The following MRPS25 variants were observed in gnomAD, a reference collection of about 807,000 sequenced individuals.
MRPS25 encodes small ribosomal subunit protein mS25.
Under a neutral mutation model 17.3 loss-of-function variants are expected in MRPS25, and 15 were observed. The ratio of observed to expected loss-of-function variants is 0.87; its 90% CI spans 0.58 to 1.34. The LOEUF (loss-of-function observed/expected upper bound fraction) is 1.34, where lower values mean the gene tolerates loss of function less well. Ranked by LOEUF, MRPS25 falls within the 40% of genes most tolerant of loss-of-function variation. The pLI is 0.00. For synonymous variants in MRPS25, 94 were observed against 83.3 expected (o/e 1.13, Z -0.70); for missense variants, 225 against 218.6 (o/e 1.03, Z -0.19).
intron 3 of MRPS25, among the ~76,000 whole-genome samples, chr3:15,052,875 T>A (rs532474974): frequency 6.6e-6 from 1 of 152,216 alleles, no homozygotes; most frequent in South Asian, 2.1e-4. Context: ...GCGGTCAGCC[T>A]ATCTGCTGCC....
At chr3:15,042,626 TCTGTACATACATTTTGTACTCA>T (rs1341588515), downstream of MRPS25, 4 of 525,294 alleles carry the variant, frequency 7.6e-6, no homozygotes, top group East Asian at 1.2e-4. Flanking sequence ...AGGGAACACA[TCTGTACATACATTTTGTACTCA>T]TTTGGTTTTT....
chr3:15,065,165 G>T lies in MRPS25; in HGVS notation c.30C>A (p.Arg10=). MPMKGRFPI[R]RTLQYLSQGN... ...CCTGGCTCAGATATTGCAGGGTGCG[G>T]CGGATGGGGAAGCGGCCCTTCATGG... is the stretch of plus-strand genomic sequence containing the variant. Residue 10 remains arginine, a synonymous_variant, in exon 1 of 4, where the codon CGC becomes CGA. Coordinates refer to ENST00000253686, the MANE Select transcript of MRPS25 (RefSeq NM_022497.5). 6.2e-7 allele frequency: 1 copy of T among 1,607,250 alleles called. No homozygotes were observed. The highest frequency in any genetic ancestry group is 8.5e-7 in the Non-Finnish European group (1 of 1,177,106).
chr3:15,052,796 C>G (rs1487735330), intron 3 of MRPS25, among the ~76,000 whole-genome samples, 163 bp from the exon 4 acceptor site: 3 of 152,166 alleles, frequency 2.0e-5, no homozygotes, highest in Non-Finnish European at 4.4e-5. Context: ...TCCCTGCTGG[C>G]CCCTGAGGAG....
Position 15,050,311 on chromosome 3 carries a change from G to A in MRPS25, c.*2130C>T. ...TCACTGCCCATTGCTCCTGTGTCAAGCCTGAACTCAAACCCTAGTTATCTG... is the reference window on the plus strand; with the variant it reads ...TCACTGCCCATTGCTCCTGTGTCAAACCTGAACTCAAACCCTAGTTATCTG... On this transcript the variant is annotated 3_prime_UTR_variant, in exon 4 of 4. Transcript: ENST00000253686. The A allele has an allele frequency of 9.2e-7, 1 of 1,084,340 alleles. No individual in the cohort carries two copies. Among genetic ancestry groups the A allele is most frequent in the Non-Finnish European group, 1.1e-6 (1 of 893,666 alleles). The allele number at this position is 1,084,340 out of a possible 1,614,324, so 67.2% of individuals were successfully genotyped here. A position where few individuals can be genotyped will look rare whatever the true frequency, so the allele number is the denominator to read the frequency against.
At chr3:15,057,053 T>C (rs1575069227) in intron 2 of MRPS25, among the ~76,000 whole-genome samples, 2 of 152,194 alleles carry the variant, frequency 1.3e-5, no homozygotes, top group Admixed American at 1.3e-4. Context: ...GCTTTCTTCT[T>C]GGCAGCCAGG....
rs904115674 is a variant in MRPS25, at chr3:15,051,047, C to T, written c.*1394G>A. 72 of 983,174 alleles carry T rather than the reference C, an allele frequency of 7.3e-5. No individual in the cohort carries two copies. The highest frequency in any genetic ancestry group is 7.5e-5 in the Non-Finnish European group (62 of 828,012). The allele number at this position is 983,174 out of a possible 1,614,324, so 60.9% of individuals were successfully genotyped here. On this transcript the variant is annotated 3_prime_UTR_variant, in exon 4 of 4. Coordinates refer to ENST00000253686, the MANE Select transcript of MRPS25 (RefSeq NM_022497.5). ...CAGGTAGAGGAATGAAAACTTCAGTCCTGCTCTGTCAAGCACCACTGTCCT... is the reference window on the plus strand; with the variant it reads ...CAGGTAGAGGAATGAAAACTTCAGTTCTGCTCTGTCAAGCACCACTGTCCT...
chr3:15,064,233 T>G (rs781147897), intron 1 of MRPS25, among the ~76,000 whole-genome samples: 6 of 151,972 alleles, frequency 3.9e-5, no homozygotes, highest in Non-Finnish European at 7.4e-5. Flanking sequence ...GCACTCAGAG[T>G]GTACTCAATA....
intron 1 of MRPS25, among the ~76,000 whole-genome samples, chr3:15,061,495 G>A (rs1467738855): frequency 6.6e-6 from 1 of 152,248 alleles, no homozygotes; most frequent in Non-Finnish European, 1.5e-5. Flanking sequence ...CGGGATTGCA[G>A]ACGGTGTCTG....
At position 15,053,470 on chromosome 3, in the gene MRPS25, G is replaced by A. The variant is rs1282791702; in HGVS notation, c.242-3C>T. The A allele has an allele frequency of 1.2e-6, 2 of 1,614,140 alleles. No homozygotes were observed. The highest frequency in any genetic ancestry group is 1.7e-6 in the Non-Finnish European group (2 of 1,180,026). ...CACCAGGACCTGCTCCCCAGAATCT[G>A]GAAACGGAAAGCACGGGGCAGAAGA... is the stretch of plus-strand genomic sequence containing the variant. On this transcript the variant is annotated splice_region_variant and splice_polypyrimidine_tract_variant and intron_variant, in intron 2 of 3. Transcript: ENST00000253686.
At chr3:15,060,822 A>G (rs1038702621) in intron 1 of MRPS25, among the ~76,000 whole-genome samples, 2 of 152,184 alleles carry the variant, frequency 1.3e-5, no homozygotes, top group African/African-American at 4.8e-5. Context: ...CAGAGCTTGC[A>G]GTGAGCCGAG....
In MRPS25 at chr3:15,051,510, TA is replaced by T. The variant is rs946541097; in HGVS notation, c.*930del. 1.0e-6 allele frequency: 1 copy of T among 985,230 alleles called. No individual in the cohort carries two copies. Among genetic ancestry groups the T allele is most frequent in the Non-Finnish European group, 1.2e-6 (1 of 829,892 alleles). 61.0% of individuals were successfully genotyped at this position (985,230 alleles called of 1,614,324 possible). On this transcript the variant is annotated 3_prime_UTR_variant, in exon 4 of 4. Transcript: ENST00000253686. ...GCTAAACCTATTCTTAAGGTGACCCTAGAAGGCTCTGCTGTCTTCTGGAGGC... is the reference window on the plus strand; with the variant it reads ...GCTAAACCTATTCTTAAGGTGACCCTGAAGGCTCTGCTGTCTTCTGGAGGC...
downstream of MRPS25, chr3:15,047,386 A>AG (rs1478704439): frequency 6.6e-6 from 1 of 152,252 alleles, no homozygotes; most frequent in Non-Finnish European, 1.5e-5. Flanking sequence ...GACAAGAGCC[A>AG]GGAAGCTGGA....
At chr3:15,056,831 T>C (rs989270875) in intron 2 of MRPS25, among the ~76,000 whole-genome samples, 4 of 152,176 alleles carry the variant, frequency 2.6e-5, no homozygotes, top group African/African-American at 9.7e-5. Context: ...AATACAACAA[T>C]ATCAGCATGA....
Position 15,053,451 on chromosome 3 carries a change from G to A in MRPS25, c.258C>T (p.Val86=). 1 of 1,614,126 alleles carries A rather than the reference G, an allele frequency of 6.2e-7. No homozygotes were observed. The highest frequency in any genetic ancestry group is 8.5e-7 in the Non-Finnish European group (1 of 1,180,044). ...TGCTCTTGGTCTCCACATCCACCAG[G>A]ACCTGCTCCCCAGAATCTGGAAACG... The part of the protein sequence containing the change: ...LRFYLDSGEQ[V]LVDVETKSNK... Residue 86 remains valine (V), a synonymous_variant, in exon 3 of 4, where the codon GTC becomes GTT. Coordinates refer to ENST00000253686, the MANE Select transcript of MRPS25 (RefSeq NM_022497.5).
chr3:15,061,306 A>C (rs1182482975), intron 1 of MRPS25, among the ~76,000 whole-genome samples: 2 of 152,066 alleles, frequency 1.3e-5, no homozygotes, highest in Non-Finnish European at 2.9e-5. Context: ...GGCTCACTGC[A>C]ACCTCCCTGC....
chr3:15,063,282 C>T (rs1434943793), intron 1 of MRPS25, among the ~76,000 whole-genome samples: 1 of 152,178 alleles, frequency 6.6e-6, no homozygotes, highest in African/African-American at 2.4e-5. Flanking sequence ...GGCTTGGGGA[C>T]CACTTGTTCA....
intron 1 of MRPS25, among the ~76,000 whole-genome samples, chr3:15,063,753 G>A (rs185000413): frequency 1.4e-3 from 210 of 151,966 alleles, no homozygotes; most frequent in African/African-American, 4.7e-3. Context: ...AATTCTCCAC[G>A]GAGCCCACAA....
chr3:15,052,652 G>A lies in MRPS25; in HGVS notation c.330-19C>T, dbSNP rs200751332. On this transcript the variant is annotated intron_variant, in intron 3 of 3. Coordinates refer to ENST00000253686, the MANE Select transcript of MRPS25 (RefSeq NM_022497.5). ...GGTTTCCCTGCCAAAGAGCACAGACGGCAACCAAGCATTGGCAACTTTGAG... is the reference window on the plus strand; with the variant it reads ...GGTTTCCCTGCCAAAGAGCACAGACAGCAACCAAGCATTGGCAACTTTGAG... 1.3e-4 allele frequency: 214 copies of A among 1,608,268 alleles called. 1 individual carries two copies. Among genetic ancestry groups the A allele is most frequent in the South Asian group, 1.2e-3 (106 of 90,838 alleles).
chr3:15,050,199 G>GC lies in MRPS25; in HGVS notation c.*2241dup. 2 of 1,185,464 alleles carry GC rather than the reference G, an allele frequency of 1.7e-6. No individual in the cohort carries two copies. Among genetic ancestry groups the GC allele is most frequent in the Non-Finnish European group, 2.1e-6 (2 of 956,980 alleles). The allele number at this position is 1,185,464 out of a possible 1,614,324, so 73.4% of individuals were successfully genotyped here. A position where few individuals can be genotyped will look rare whatever the true frequency, so the allele number is the denominator to read the frequency against. On this transcript the variant is annotated 3_prime_UTR_variant, in exon 4 of 4. Coordinates refer to ENST00000253686, the MANE Select transcript of MRPS25 (RefSeq NM_022497.5). ...TGTTTATTTCCACAAATTATCTGCT[G>GC]CCTGTGAAGCTGGCCACACAGGCAG...
Sources: allele counts gnomAD v4.1 joint callset (sites outside exome capture counted in the v4.1 genomes callset), GRCh38; gene constraint gnomAD v4.1.1; transcripts MANE v1.5; gene names NCBI Gene and HGNC (gene_info 2026-07-23, HGNC 2026-07-21).